Variants in ACACA observed in about 807,000 individuals in gnomAD.
ACACA encodes the protein acetyl-CoA carboxylase alpha, also known as acetyl-CoA carboxylase 1.
ACACA carries 103 observed loss-of-function variants against 296.1 expected under a neutral mutation model. That is an observed-to-expected ratio of 0.35 (90% CI 0.30 to 0.41). The LOEUF is 0.41. Among genes scored for constraint, ACACA ranks in the 10% least tolerant of loss-of-function variants. The pLI is 1.00. For synonymous variants in ACACA, 953 were observed against 1,038.6 expected, an observed-to-expected ratio of 0.92 and a Z score of 1.58; for missense variants, 1,554 against 2,989.7, an observed-to-expected ratio of 0.52 and a Z score of 11.20.
At chr17:37,258,085 T>C (rs1487396001) in intron 13 of ACACA, 127 bp downstream of exon 13, 1 of 1,261,600 alleles carries the variant, frequency 7.9e-7, no homozygotes, top group Non-Finnish European at 1.1e-6. Context: ...ACTTATCTGC[T>C]CTGAGAAACC....
chr17:37,278,206 T>G (rs1399607843), intron 5 of ACACA, among the ~76,000 whole-genome samples: 2 of 152,230 alleles, frequency 1.3e-5, no homozygotes, highest in Non-Finnish European at 2.9e-5. Context: ...AATCCCATAT[T>G]TAGAAGCTCT....
intron 3 of ACACA, among the ~76,000 whole-genome samples, chr17:37,301,013 G>A (rs1389318736): frequency 6.6e-6 from 1 of 152,148 alleles, no homozygotes. Context: ...ACACACTTAA[G>A]TGTCTACAAA....
chr17:37,158,187 A>G (rs1215489623), intron 42 of ACACA, among the ~76,000 whole-genome samples: 1 of 152,222 alleles, frequency 6.6e-6, no homozygotes, highest in Non-Finnish European at 1.5e-5. Flanking sequence ...GGAAGAACAC[A>G]TTAAAGGAAG....
intron 1 of ACACA, among the ~76,000 whole-genome samples, chr17:37,353,326 A>G (rs2048988315): frequency 6.6e-6 from 1 of 152,158 alleles, no homozygotes. Context: ...AACTAAGAAC[A>G]GATTTGAAAA....
chr17:37,127,009 C>T (rs963950461), intron 47 of ACACA, among the ~76,000 whole-genome samples: 7 of 152,136 alleles, frequency 4.6e-5, no homozygotes, highest in African/African-American at 9.7e-5. Context: ...TGAAGTCACT[C>T]GATTTGGGAG....
At chr17:37,226,478 T>C (rs773855528) in intron 25 of ACACA, 26 bp from the exon 26 acceptor site, 11 of 1,559,082 alleles carry the variant, frequency 7.1e-6, no homozygotes, top group African/African-American at 2.7e-5. Context: ...AAAAAGAACA[T>C]AGATAGTCAT....
rs1270995473 is a variant in ACACA at position 37,200,305 on chromosome 17, C to T, written c.4113+122G>A. 5.1e-6 allele frequency: 7 copies of T among 1,363,486 alleles called. No homozygotes were observed. In the Admixed American group the frequency reaches 5.2e-5, roughly 10 times the overall value. 84.5% of individuals were successfully genotyped at this position (1,363,486 alleles called of 1,614,324 possible). A position where few individuals can be genotyped will look rare whatever the true frequency, so the allele number is the denominator to read the frequency against. On this transcript the variant is annotated intron_variant, in intron 34 of 55. Coordinates refer to ENST00000616317, the MANE Select transcript of ACACA (RefSeq NM_198834.3). ...TAATGTTTTTTAAAAATGAAACTTACAGAAAAGTGGTTATTTCTCTGCATA... is the reference window on the plus strand; with the variant it reads ...TAATGTTTTTTAAAAATGAAACTTATAGAAAAGTGGTTATTTCTCTGCATA...
Position 37,172,804 on chromosome 17 carries a change from A to C in ACACA, c.5079+6456T>G, listed in dbSNP as rs191113029. On this transcript the variant is annotated intron_variant, in intron 41 of 55. Transcript: ENST00000616317. ...TGAGGATCCCAAAGCACTTATAAAC[A>C]TTCTCCTATCTTTAGGGACAGATTA... Among the ~76,000 whole-genome samples, 798 of 152,278 alleles carry C rather than the reference A, an allele frequency of 5.2e-3. 8 individuals are homozygous for C. The highest frequency in any genetic ancestry group is 0.018 in the African/African-American group (749 of 41,552).
At chr17:37,235,701 T>C (rs2080077401) in intron 24 of ACACA, among the ~76,000 whole-genome samples, 1 of 152,102 alleles carries the variant, frequency 6.6e-6, no homozygotes, top group South Asian at 2.1e-4. Context: ...GGAATCAACA[T>C]TTTCTTCTGT....
chr17:37,235,030 T>C lies in ACACA; in HGVS notation c.3191A>G (p.Tyr1064Cys), dbSNP rs2080042934. The C allele has an allele frequency of 1.2e-6, 2 of 1,613,954 alleles. No individual in the cohort carries two copies. Among genetic ancestry groups the C allele is most frequent in the Non-Finnish European group, 1.7e-6 (2 of 1,179,902 alleles). Residue 1064 changes from tyrosine (Y) to cysteine (C), a missense_variant, in exon 25 of 56, where the codon TAC becomes TGC. Tyr to Cys is a radical substitution (Grantham distance 194). Around this residue, in one of 16 missense-constraint regions of ACACA, gnomAD observed 316 missense variants for 540.9 expected, o/e 0.58. Transcript: ENST00000616317. ...GGTGACTTGAGCGTGAGAGAAGATG[T>C]AGTTCAGTACAGTGTTCATGTCACT... Reference protein sequence around the residue: ...NKSDMNTVLNYIFSHAQVTKK... With the variant: ...NKSDMNTVLNCIFSHAQVTKK...
intron 24 of ACACA, 46 bp downstream of exon 24, chr17:37,240,430 A>AGAATCAAG (rs1364397877): frequency 7.6e-6 from 12 of 1,573,106 alleles, no homozygotes; most frequent in Non-Finnish European, 1.0e-5. Flanking sequence ...GTTGGTTATC[A>AGAATCAAG]GAATCAAGGC....
intron 54 of ACACA, 59 bp from the exon 55 acceptor site, chr17:37,089,133 A>G: frequency 6.2e-7 from 1 of 1,612,332 alleles, no homozygotes; most frequent in Non-Finnish European, 8.5e-7. Flanking sequence ...GGACACCCTG[A>G]CTATTCAGGA....
At position 37,305,978 on chromosome 17, in the gene ACACA, G is replaced by A. The variant is rs373493940; in HGVS notation, c.339-21008C>T. ...GGCTGGAGTGCAGTGGCACTATCTC[G>A]GCTCACTGCAAGCTCCGCCTCCTGG... On this transcript the variant is annotated intron_variant, in intron 3 of 55. Coordinates refer to ENST00000616317, the MANE Select transcript of ACACA (RefSeq NM_198834.3). Among the ~76,000 whole-genome samples, 86 of 145,708 alleles carry A rather than the reference G, an allele frequency of 5.9e-4. 1 individual carries two copies. In the East Asian group the frequency reaches 0.013, roughly 22 times the overall value.
At chr17:37,090,623 C>A (rs930091572) in intron 54 of ACACA, among the ~76,000 whole-genome samples, 2 of 152,096 alleles carry the variant, frequency 1.3e-5, no homozygotes, top group Non-Finnish European at 2.9e-5. Flanking sequence ...AAGTGTTTTG[C>A]GCCTAAGGAA....
Position 37,240,772 on chromosome 17 carries a change from C to T in ACACA, c.3033-208G>A, listed in dbSNP as rs907149581. Among the ~76,000 whole-genome samples, 7 of 152,256 alleles carry T rather than the reference C, an allele frequency of 4.6e-5. No homozygotes were observed. In the South Asian group the frequency reaches 1.5e-3, roughly 32 times the overall value. ...ACAAGACCTTTTTTAATAAAGAAGA[C>T]AACAAAATCCTGCATAGCCCCACCT... is the stretch of plus-strand genomic sequence containing the variant. On this transcript the variant is annotated intron_variant, in intron 23 of 55. Coordinates refer to ENST00000616317, the MANE Select transcript of ACACA (RefSeq NM_198834.3).
intron 3 of ACACA, among the ~76,000 whole-genome samples, chr17:37,306,098 A>C (rs866634256): frequency 1.3e-5 from 2 of 151,652 alleles, no homozygotes; most frequent in Non-Finnish European, 1.5e-5. Context: ...TTAGTAGAGA[A>C]GGGGTTTCAC....
At chr17:37,168,545 GA>G (rs139937394) in intron 41 of ACACA, among the ~76,000 whole-genome samples, 2,035 of 151,634 alleles carry the variant, frequency 0.013, 46 homozygotes, top group African/African-American at 0.045. Context: ...TTTAAGGGGG[GA>G]AAAAAATCTC....
intron 2 of ACACA, among the ~76,000 whole-genome samples, chr17:37,336,237 T>A (rs1218349169): frequency 6.6e-6 from 1 of 151,980 alleles, no homozygotes; most frequent in Non-Finnish European, 1.5e-5. Context: ...AAGGCACCCC[T>A]CCCGAGGAAA....
Position 37,255,817 on chromosome 17 carries a change from G to A in ACACA, c.1826+1886C>T, listed in dbSNP as rs1279581555. Among the ~76,000 whole-genome samples, 3 of 152,166 alleles carry A rather than the reference G, an allele frequency of 2.0e-5. No individual in the cohort carries two copies. The East Asian group carries it at 5.8e-4, about 29-fold the overall frequency. On this transcript the variant is annotated intron_variant, in intron 14 of 55. Transcript: ENST00000616317. ...GCTGGAGTGCAATGGCGTGATCTTG[G>A]CTCACTGCAACCTCAGCCTCCTGGG...
Sources: allele counts gnomAD v4.1 joint callset (sites outside exome capture counted in the v4.1 genomes callset), GRCh38; gene constraint gnomAD v4.1.1; regional missense constraint gnomAD v4.1.1; transcripts MANE v1.5; gene names NCBI Gene and HGNC (gene_info 2026-07-23, HGNC 2026-07-21).